The following LAMA3 variants were observed in gnomAD, a reference collection of about 807,000 sequenced individuals.
LAMA3 encodes the protein laminin subunit alpha 3.
A neutral mutation model predicts 402.0 loss-of-function variants in LAMA3; 281 were observed. That is an observed-to-expected ratio of 0.70 (90% CI 0.63 to 0.77). LAMA3 has a LOEUF of 0.77. LAMA3 is among the 30% of genes least tolerant of loss of function. The probability of loss-of-function intolerance (pLI) is 0.00; values close to 1 mark genes in which losing one functional copy is unlikely to be tolerated. For synonymous variants in LAMA3, 1,431 were observed against 1,558.4 expected (o/e 0.92, Z 1.93); for missense variants, 3,840 against 4,215.5 (o/e 0.91, Z 2.47).
chr18:23,713,201 A>C (rs1022126354), intron 1 of LAMA3, among the ~76,000 whole-genome samples: 4 of 152,230 alleles, frequency 2.6e-5, no homozygotes, highest in African/African-American at 7.2e-5. Context: ...ACAGCCAGCC[A>C]CATCTCTCCA....
intron 8 of LAMA3, among the ~76,000 whole-genome samples, chr18:23,764,492 C>T (rs1384042850): frequency 1.3e-5 from 2 of 151,902 alleles, no homozygotes; most frequent in Non-Finnish European, 2.9e-5. Flanking sequence ...CTTTAGAATA[C>T]TTTGTTATTC....
At chr18:23,819,463 A>C (rs1838455049) in intron 18 of LAMA3, among the ~76,000 whole-genome samples, 1 of 152,236 alleles carries the variant, frequency 6.6e-6, no homozygotes, top group African/African-American at 2.4e-5. Flanking sequence ...AGACATTAAT[A>C]TTTATGTAAT....
chr18:23,828,624 G>A (rs964636633), intron 23 of LAMA3, among the ~76,000 whole-genome samples: 2 of 152,072 alleles, frequency 1.3e-5, no homozygotes, highest in African/African-American at 4.8e-5. Context: ...GACAACAAGA[G>A]GTACCGTTGA....
intron 5 of LAMA3, among the ~76,000 whole-genome samples, chr18:23,751,677 A>G (rs563107353): frequency 1.3e-5 from 2 of 152,312 alleles, no homozygotes; most frequent in South Asian, 2.1e-4. Flanking sequence ...GGGTGATGTC[A>G]TCTAGCTGAA....
At chr18:23,907,732 C>T (rs2145182209) in intron 53 of LAMA3, 24 bp from the exon 54 acceptor site, 11 of 1,613,738 alleles carry the variant, frequency 6.8e-6, no homozygotes, top group Non-Finnish European at 9.3e-6. Context: ...GATACTTATA[C>T]CTCCCTATCT....
At chr18:23,904,120 CG>C in intron 50 of LAMA3, 33 bp downstream of exon 50, 1 of 1,611,488 alleles carries the variant, frequency 6.2e-7, no homozygotes, top group Non-Finnish European at 8.5e-7. Flanking sequence ...CAGAAGGGCA[CG>C]TGGGCTGAGC....
At position 23,839,395 on chromosome 18, in the gene LAMA3, C is replaced by T. The variant is rs374387540; in HGVS notation, c.3192-390C>T. Among the ~76,000 whole-genome samples the T allele has an allele frequency of 4.1e-3, 627 of 152,184 alleles. No individual in the cohort carries two copies. The highest frequency in any genetic ancestry group is 0.014 in the Middle Eastern group (4 of 294). On this transcript the variant is annotated intron_variant, in intron 26 of 74. Coordinates refer to ENST00000313654, the MANE Select transcript of LAMA3 (RefSeq NM_198129.4). This position sits in a 1 kb window ranked among gnomAD's most constrained non-coding sequence, Gnocchi z 4.5. The stretch of plus-strand genomic sequence containing the variant: ...CCAACACAATGTGATTCTGGTTGTG[C>T]GTAAAAGAGACGATGTATATTTTTT...
At chr18:23,925,018 G>C (rs1266902011) in intron 62 of LAMA3, among the ~76,000 whole-genome samples, 1 of 152,162 alleles carries the variant, frequency 6.6e-6, no homozygotes, top group Admixed American at 6.5e-5. Flanking sequence ...AGAGATTCCT[G>C]AAACTGCCAT....
At chr18:23,722,988 G>C (rs569300670) in intron 2 of LAMA3, among the ~76,000 whole-genome samples, 181 of 152,090 alleles carry the variant, frequency 1.2e-3, no homozygotes, top group Non-Finnish European at 1.2e-3. Flanking sequence ...TGTGGGCTGG[G>C]GAGAGGAACC....
chr18:23,884,668 G>A, intron 40 of LAMA3, 105 bp from the exon 41 acceptor site: 1 of 1,046,040 alleles, frequency 9.6e-7, no homozygotes, highest in Non-Finnish European at 1.5e-6. Flanking sequence ...CCAGACCCTG[G>A]GTTTCAGTGC....
At chr18:23,753,893 T>C (rs1177890994) in intron 6 of LAMA3, 81 bp downstream of exon 6, 1 of 926,344 alleles carries the variant, frequency 1.1e-6, no homozygotes, top group African/African-American at 1.6e-5. Context: ...TCCCGTTAAA[T>C]GTTTCTAGGT....
At chr18:23,939,197 A>G (rs2082406473) in intron 67 of LAMA3, 26 bp from the exon 68 acceptor site, 1 of 1,610,758 alleles carries the variant, frequency 6.2e-7, no homozygotes, top group Non-Finnish European at 8.5e-7. Flanking sequence ...TTCCCCTGAT[A>G]ATTGTGTTGC....
At chr18:23,864,010 T>C (rs529157105) in intron 35 of LAMA3, among the ~76,000 whole-genome samples, 9 of 152,212 alleles carry the variant, frequency 5.9e-5, no homozygotes, top group Non-Finnish European at 1.3e-4. Flanking sequence ...GTTCACCATC[T>C]GCTTTCAGGA....
chr18:23,763,925 A>G (rs1030500669), intron 8 of LAMA3, among the ~76,000 whole-genome samples: 6 of 152,172 alleles, frequency 3.9e-5, no homozygotes, highest in African/African-American at 1.2e-4. Context: ...GAAATGCATC[A>G]TGATCAATTA....
chr18:23,760,550 G>T (rs1474081196), intron 7 of LAMA3, among the ~76,000 whole-genome samples: 1 of 151,994 alleles, frequency 6.6e-6, no homozygotes, highest in African/African-American at 2.4e-5. Context: ...GCCTAAGAAA[G>T]AATAAGAATT....
intron 23 of LAMA3, among the ~76,000 whole-genome samples, chr18:23,833,370 C>A (rs2063521623): frequency 1.4e-5 from 2 of 143,024 alleles, no homozygotes; most frequent in African/African-American, 5.4e-5. Context: ...ACATTATTTC[C>A]CTTGATACAA....
chr18:23,877,053 A>G (rs997710641), intron 39 of LAMA3, among the ~76,000 whole-genome samples: 2 of 152,136 alleles, frequency 1.3e-5, no homozygotes, highest in East Asian at 1.9e-4. Context: ...ATAAACAACA[A>G]CAACAACAAC....
Position 23,932,277 on chromosome 18 carries a change from T to A in LAMA3, c.8694T>A (p.Asn2898Lys). ...GCAATTTTGAGGGTTGTATTAGCAATGTTTTTGTCCAGAGGTAGGTGATCC... is the reference window on the plus strand; with the variant it reads ...GCAATTTTGAGGGTTGTATTAGCAAAGTTTTTGTCCAGAGGTAGGTGATCC... ...GGSNFEGCIS[N>K]VFVQRLSLSP... The change falls in exon 66 of 75, where the codon AAT becomes AAA. Residue 2898 changes from asparagine to lysine, a missense_variant. Around this residue, in one of 3 missense-constraint regions of LAMA3, gnomAD observed 840 missense variants for 981.9 expected, o/e 0.86. Transcript: ENST00000313654. The A allele has an allele frequency of 6.2e-7, 1 of 1,614,070 alleles. No homozygotes were observed. The highest frequency in any genetic ancestry group is 8.5e-7 in the Non-Finnish European group (1 of 1,179,910).
At chr18:23,943,143 A>T (rs1420024645) in intron 68 of LAMA3, among the ~76,000 whole-genome samples, 1 of 152,256 alleles carries the variant, frequency 6.6e-6, no homozygotes, top group Non-Finnish European at 1.5e-5. Context: ...ATGCATATTC[A>T]TTGAGTTTGA....
Sources: gnomAD v4.1 joint callset for allele counts (sites outside exome capture counted in the v4.1 genomes callset) on GRCh38, gnomAD v4.1.1 for gene constraint, gnomAD v4.1.1 regional missense constraint, Gnocchi (gnomAD v3.1) non-coding constraint, MANE v1.5 for transcripts, NCBI Gene and HGNC (gene_info 2026-07-23, HGNC 2026-07-21) for gene names.